The following KCND2 variants were observed in gnomAD, a reference collection of about 807,000 sequenced individuals.
The protein encoded by KCND2 is potassium voltage-gated channel subfamily D member 2.
In KCND2, 16 loss-of-function variants were observed where a neutral mutation model predicts 54.4. The observed-to-expected ratio is 0.29, with a 90% CI of 0.20 to 0.45. KCND2 has a LOEUF of 0.45. Among genes scored for constraint, KCND2 ranks in the 20% least tolerant of loss-of-function variants. The pLI is 1.00. For synonymous variants in KCND2, 317 were observed against 310.7 expected, an observed-to-expected ratio of 1.02 and a Z score of -0.21; for missense variants, 486 against 824.2, an observed-to-expected ratio of 0.59 and a Z score of 5.02.
intron 1 of KCND2, among the ~76,000 whole-genome samples, chr7:120,503,930 A>G (rs1802975708): frequency 1.3e-5 from 2 of 152,068 alleles, no homozygotes; most frequent in South Asian, 2.1e-4. Context: ...CTGCATCCAT[A>G]TATAAAAAGC....
At chr7:120,485,545 G>C (rs1354347526) in intron 1 of KCND2, among the ~76,000 whole-genome samples, 1 of 152,130 alleles carries the variant, frequency 6.6e-6, no homozygotes, top group Admixed American at 6.6e-5. Flanking sequence ...GGTGACCTCA[G>C]GGTGTTTCGC....
intron 1 of KCND2, among the ~76,000 whole-genome samples, chr7:120,562,763 A>T (rs566211453): frequency 6.6e-6 from 1 of 152,310 alleles, no homozygotes; most frequent in African/African-American, 2.4e-5. Flanking sequence ...TAAAACTCAG[A>T]TATATTTTAG....
At chr7:120,452,396 T>A (rs1802126042) in intron 1 of KCND2, among the ~76,000 whole-genome samples, 1 of 152,102 alleles carries the variant, frequency 6.6e-6, no homozygotes, top group African/African-American at 2.4e-5. Flanking sequence ...GACACAGCCA[T>A]TTGGAACATG....
chr7:120,536,955 A>G (rs1432295085), intron 1 of KCND2, among the ~76,000 whole-genome samples: 2 of 152,130 alleles, frequency 1.3e-5, no homozygotes, highest in Non-Finnish European at 2.9e-5. Context: ...ATTCCTGATA[A>G]CATCAATATT....
rs1800368294 is a variant in KCND2, at chr7:120,349,321, C to CACAA, written c.1115+73577_1115+73578insAACA. On this transcript the variant is annotated intron_variant, in intron 1 of 5. Coordinates refer to ENST00000331113, the MANE Select transcript of KCND2 (RefSeq NM_012281.3). ...ATACACACACACAAACACACACACA[C>CACAA]ACACAAACACACACACACACACACA... is the stretch of plus-strand genomic sequence containing the variant. Among the ~76,000 whole-genome samples, 4 of 93,188 alleles carry CACAA rather than the reference C, an allele frequency of 4.3e-5. No individual in the cohort carries two copies. The Admixed American group carries it at 5.2e-4, about 12-fold the overall frequency. 61.1% of individuals were successfully genotyped at this position (93,188 alleles called of 152,430 possible).
intron 1 of KCND2, among the ~76,000 whole-genome samples, chr7:120,323,314 A>C (rs1479704775): frequency 1.3e-5 from 2 of 151,948 alleles, no homozygotes; most frequent in Non-Finnish European, 2.9e-5. Context: ...TTTTATTATT[A>C]TACTTTAAGT....
intron 1 of KCND2, among the ~76,000 whole-genome samples, chr7:120,446,135 T>A (rs1418028157): frequency 2.0e-5 from 3 of 152,126 alleles, no homozygotes; most frequent in African/African-American, 7.2e-5. Context: ...TTCTCTTTTG[T>A]CTTTTTTATC....
At chr7:120,395,519 A>T (rs1399990411) in intron 1 of KCND2, among the ~76,000 whole-genome samples, 1 of 151,984 alleles carries the variant, frequency 6.6e-6, no homozygotes, top group Admixed American at 6.6e-5. Context: ...GAGATAATTC[A>T]AGGGTGATCT....
At chr7:120,625,743 CTTA>C (rs1185562427) in intron 1 of KCND2, among the ~76,000 whole-genome samples, 4 of 151,870 alleles carry the variant, frequency 2.6e-5, no homozygotes, top group Non-Finnish European at 5.9e-5. Context: ...GGATAACTTT[CTTA>C]TGAGAAGGTT....
At chr7:120,288,988 G>T (rs893549416) in intron 1 of KCND2, among the ~76,000 whole-genome samples, 1 of 151,620 alleles carries the variant, frequency 6.6e-6, no homozygotes, top group Non-Finnish European at 1.5e-5. Context: ...CCTTAACAGA[G>T]TATATATGGG....
At chr7:120,343,331 G>T (rs1264884803) in intron 1 of KCND2, among the ~76,000 whole-genome samples, 2 of 152,008 alleles carry the variant, frequency 1.3e-5, no homozygotes, top group African/African-American at 4.8e-5. Context: ...GTTATATATG[G>T]ACTCTGTGGC....
intron 1 of KCND2, among the ~76,000 whole-genome samples, chr7:120,288,273 A>G (rs1239674266): frequency 1.3e-5 from 2 of 152,122 alleles, no homozygotes; most frequent in Non-Finnish European, 2.9e-5. Flanking sequence ...AAGTATGAAG[A>G]CACTCTAAAT....
chr7:120,609,598 T>C (rs2116484588), intron 1 of KCND2, among the ~76,000 whole-genome samples: 1 of 152,274 alleles, frequency 6.6e-6, no homozygotes, highest in South Asian at 2.1e-4. Flanking sequence ...GCTGATTTTG[T>C]AGCACAAAAG....
chr7:120,511,672 G>C (rs1398219722), intron 1 of KCND2, among the ~76,000 whole-genome samples: 6 of 152,086 alleles, frequency 3.9e-5, no homozygotes, highest in Admixed American at 6.6e-5. Flanking sequence ...CATTTTATCA[G>C]TGGGACAATA....
intron 1 of KCND2, among the ~76,000 whole-genome samples, chr7:120,536,101 A>G (rs570354348): frequency 1.5e-4 from 23 of 152,206 alleles, no homozygotes; most frequent in Non-Finnish European, 2.8e-4. Context: ...ACACAACCAC[A>G]ATAAAGTGAA....
At chr7:120,293,178 G>T (rs1216714487) in intron 1 of KCND2, among the ~76,000 whole-genome samples, 1 of 151,832 alleles carries the variant, frequency 6.6e-6, no homozygotes, top group Non-Finnish European at 1.5e-5. Flanking sequence ...TGTATTGTTT[G>T]TGTGCTACCT....
intron 2 of KCND2, chr7:120,740,930 TGTTTAGAG>T (rs1228713984): frequency 1.5e-4 from 70 of 454,982 alleles, no homozygotes; most frequent in Non-Finnish European, 2.9e-4. Flanking sequence ...TTTGTTTGTT[TGTTTAGAG>T]AGAGAGTCCA....
intron 1 of KCND2, among the ~76,000 whole-genome samples, chr7:120,377,691 G>GTGT: frequency 6.6e-6 from 1 of 152,064 alleles, no homozygotes; most frequent in Non-Finnish European, 1.5e-5. Context: ...ATGGGAGTCA[G>GTGT]TGTATTATTT....
rs183843105 is a variant in KCND2, at chr7:120,401,782, G to T, written c.1115+126035G>T. On this transcript the variant is annotated intron_variant, in intron 1 of 5. Transcript: ENST00000331113. ...GTTATTCTATCCCTTTCCTATAGTA[G>T]CACTTTCCTGTATTCAGTTTTCCAT... Among the ~76,000 whole-genome samples, 35 of 152,202 alleles carry T rather than the reference G, an allele frequency of 2.3e-4. No homozygotes were observed. In the East Asian group the frequency reaches 6.6e-3, roughly 29 times the overall value.
Sources: gnomAD v4.1 joint callset for allele counts (sites outside exome capture counted in the v4.1 genomes callset) on GRCh38, gnomAD v4.1.1 for gene constraint, MANE v1.5 for transcripts, NCBI Gene and HGNC (gene_info 2026-07-23, HGNC 2026-07-21) for gene names.